Variants in RELN observed in about 807,000 individuals in gnomAD.
The protein encoded by RELN is reelin.
RELN carries 108 observed loss-of-function variants against 427.6 expected under a neutral mutation model. The ratio of observed to expected loss-of-function variants is 0.25; its 90% CI spans 0.22 to 0.30. RELN has a LOEUF of 0.30. RELN is among the 10% of genes least tolerant of loss of function. RELN has a pLI of 1.00. For missense variants in RELN, 3,715 were observed against 4,302.8 expected (o/e 0.86, Z 3.82); for synonymous variants, 1,524 against 1,513.4 (o/e 1.01, Z -0.16).
rs1442384800 is a variant in RELN, at chr7:103,603,376, A to G, written c.3261T>C (p.Ile1087=). ...GTTCTGGTTTTACAATTTCTCCCCC[A>G]ATAACTTCTTGCCAGTCAGACTCCC... ...NGWESDWQEV[I]GGEIVKPEQG... is the part of the protein sequence containing the mutation. The change falls in exon 24 of 65, where the codon ATT becomes ATC. Residue 1087 remains isoleucine (I), a synonymous_variant. Coordinates refer to ENST00000428762, the MANE Select transcript of RELN (RefSeq NM_005045.4). The surrounding 1 kb of genome is among the most constrained non-coding windows in gnomAD (Gnocchi z 4.3). The G allele has an allele frequency of 6.2e-7, 1 of 1,613,850 alleles. No individual in the cohort carries two copies. The highest frequency in any genetic ancestry group is 2.2e-5 in the East Asian group (1 of 44,862).
At chr7:103,808,422 A>G (rs903324620) in intron 3 of RELN, among the ~76,000 whole-genome samples, 4 of 152,090 alleles carry the variant, frequency 2.6e-5, no homozygotes, top group Non-Finnish European at 5.9e-5. Flanking sequence ...AATAGAAAAC[A>G]AAACAAAACA....
chr7:103,686,051 A>G, intron 10 of RELN, among the ~76,000 whole-genome samples: 1 of 152,158 alleles, frequency 6.6e-6, no homozygotes, highest in Non-Finnish European at 1.5e-5. Context: ...GCACCTCTTA[A>G]TATGATCTCC....
chr7:103,484,436 C>A, intron 61 of RELN: 1 of 158,436 alleles, frequency 6.3e-6, no homozygotes. Flanking sequence ...GCACATGGAG[C>A]GGTGAGGGAG....
intron 12 of RELN, among the ~76,000 whole-genome samples, chr7:103,656,501 T>C (rs529950290): frequency 6.6e-6 from 1 of 152,216 alleles, no homozygotes; most frequent in Admixed American, 6.6e-5. Context: ...CCCATTGGTG[T>C]GCTCCTAGAA....
At chr7:103,805,085 CA>C (rs1792564753) in intron 3 of RELN, among the ~76,000 whole-genome samples, 1 of 150,048 alleles carries the variant, frequency 6.7e-6, no homozygotes, top group South Asian at 2.1e-4. Context: ...AAAAAAAAAA[CA>C]ACTCAATGTC....
At chr7:103,578,244 T>A (rs563776365) in intron 28 of RELN, among the ~76,000 whole-genome samples, 2 of 152,136 alleles carry the variant, frequency 1.3e-5, no homozygotes, top group African/African-American at 4.8e-5. Flanking sequence ...AAGGCTTCTA[T>A]AGACCCAAGA....
chr7:103,538,725 T>C (rs1190511348), intron 45 of RELN, among the ~76,000 whole-genome samples: 2 of 152,194 alleles, frequency 1.3e-5, no homozygotes, highest in Non-Finnish European at 2.9e-5. Flanking sequence ...CTCTATGTGA[T>C]GAGAGTCCTT....
chr7:103,632,840 A>T (rs1410554405), intron 19 of RELN, among the ~76,000 whole-genome samples: 1 of 152,136 alleles, frequency 6.6e-6, no homozygotes, highest in African/African-American at 2.4e-5. Flanking sequence ...ACACTATGGA[A>T]TTGGATGACA....
At chr7:103,861,013 T>A (rs1794060214) in intron 2 of RELN, among the ~76,000 whole-genome samples, 1 of 152,104 alleles carries the variant, frequency 6.6e-6, no homozygotes, top group Admixed American at 6.5e-5. Flanking sequence ...ACAAACAATA[T>A]TAAAGCACAA....
intron 22 of RELN, among the ~76,000 whole-genome samples, chr7:103,607,091 T>C (rs1228804224): frequency 8.7e-6 from 1 of 115,376 alleles, no homozygotes; most frequent in Non-Finnish European, 1.7e-5. Flanking sequence ...TGTTGGACAT[T>C]TGTGGGGTGG....
At chr7:103,528,184 G>T (rs1343311469) in intron 46 of RELN, among the ~76,000 whole-genome samples, 1 of 152,182 alleles carries the variant, frequency 6.6e-6, no homozygotes, top group Admixed American at 6.5e-5. Context: ...ATAAAATGTG[G>T]TATATCCATA....
chr7:103,501,995 A>G (rs1162868073), intron 52 of RELN, among the ~76,000 whole-genome samples: 1 of 152,218 alleles, frequency 6.6e-6, no homozygotes, highest in Non-Finnish European at 1.5e-5. Flanking sequence ...CCAGCCTGAG[A>G]GAGCTGAGTA....
intron 1 of RELN, among the ~76,000 whole-genome samples, chr7:103,975,519 T>TTATG (rs2116829390): frequency 7.7e-6 from 1 of 129,538 alleles, no homozygotes; most frequent in South Asian, 2.5e-4. Flanking sequence ...GGAGCAGTAT[T>TTATG]TATTTATTTA....
At position 103,472,861 on chromosome 7, in the gene RELN, A is replaced by T; in HGVS notation, c.10334T>A (p.Leu3445His). 6.2e-7 allele frequency: 1 copy of T among 1,613,958 alleles called. No individual in the cohort carries two copies. The highest frequency in any genetic ancestry group is 8.5e-7 in the Non-Finnish European group (1 of 1,179,862). Residue 3445 changes from leucine to histidine, a missense_variant, in exon 65 of 65, where the codon CTC becomes CAC. Transcript: ENST00000428762. ...YMMNFSRQHG[L>H]RHFYNRRRRS... ...TCGTCTTCTGTTGTAGAAATGTCTG[A>T]GCCCATGTTGTCGTGAAAAATTCAT...
chr7:103,796,049 T>C (rs74786663), intron 3 of RELN, among the ~76,000 whole-genome samples: 8,145 of 152,292 alleles, frequency 0.053, 344 homozygotes, highest in African/African-American at 0.12. Flanking sequence ...TGCCAACTAG[T>C]TGGTCTACCT....
intron 53 of RELN, among the ~76,000 whole-genome samples, chr7:103,498,737 C>T (rs1000203124): frequency 1.3e-5 from 2 of 152,012 alleles, no homozygotes; most frequent in Admixed American, 1.3e-4. Flanking sequence ...AGTGATCTGC[C>T]CACCTCCGCC....
chr7:103,810,224 C>T (rs1437770412), intron 3 of RELN, among the ~76,000 whole-genome samples: 1 of 152,090 alleles, frequency 6.6e-6, no homozygotes, highest in East Asian at 1.9e-4. Context: ...ATGCCCGGGG[C>T]GTCTTCTGCT....
rs750471338 is a variant in RELN, at chr7:103,661,518, G to A, written c.1299C>T (p.Val433=). 12 of 1,612,992 alleles carry A rather than the reference G, an allele frequency of 7.4e-6. No individual in the cohort carries two copies. Among genetic ancestry groups the A allele is most frequent in the Admixed American group, 1.7e-5 (1 of 59,928 alleles). ...EFESQPTGWD[V]LGAVIGTECG... Reference sequence around the variant, plus strand: ...ATTCTGTACCAATGACAGCTCCCAAGACATCCCATCTAAAAAAAAAGGGGG... The same window carrying A: ...ATTCTGTACCAATGACAGCTCCCAAAACATCCCATCTAAAAAAAAAGGGGG... The change falls in exon 12 of 65, where the codon GTC becomes GTT. Residue 433 remains valine, a synonymous_variant. Transcript: ENST00000428762.
intron 45 of RELN, among the ~76,000 whole-genome samples, chr7:103,537,784 T>A (rs1830087591): frequency 6.6e-6 from 1 of 152,184 alleles, no homozygotes; most frequent in Non-Finnish European, 1.5e-5. Context: ...GAACCCCACG[T>A]CAGCTTCTTT....
Sources: gnomAD v4.1 joint callset for allele counts (sites outside exome capture counted in the v4.1 genomes callset) on GRCh38, gnomAD v4.1.1 for gene constraint, Gnocchi (gnomAD v3.1) non-coding constraint, MANE v1.5 for transcripts, NCBI Gene and HGNC (gene_info 2026-07-23, HGNC 2026-07-21) for gene names.